CFAP92: variants seen among roughly 807,000 people sequenced by gnomAD.
CFAP92 encodes the protein uncharacterized protein CFAP92.
CFAP92 carries 86 observed loss-of-function variants against 106.3 expected under a neutral mutation model. The observed-to-expected ratio is 0.81, with a 90% CI of 0.68 to 0.97. The LOEUF (loss-of-function observed/expected upper bound fraction) is 0.97. Ranked by LOEUF, CFAP92 falls within the 50% of genes least tolerant of loss-of-function variation. The probability of loss-of-function intolerance (pLI) is 0.00; values close to 1 mark genes in which losing one functional copy is unlikely to be tolerated. For missense variants in CFAP92, 1,204 were observed against 1,283.8 expected (o/e 0.94, Z 0.95); for synonymous variants, 477 against 506.4 (o/e 0.94, Z 0.78).
Position 128,965,604 on chromosome 3 carries a change from G to A in CFAP92, c.1260C>T (p.Thr420=), listed in dbSNP as rs1576555312. The A allele has an allele frequency of 7.5e-6, 3 of 398,776 alleles. No individual in the cohort carries two copies. The highest frequency in any genetic ancestry group is 2.1e-5 in the African/African-American group (1 of 48,590). 24.7% of individuals were successfully genotyped at this position (398,776 alleles called of 1,614,324 possible). The change falls in exon 9 of 16, where the codon ACC becomes ACT. Residue 420 remains threonine (T), a synonymous_variant. Transcript: ENST00000645291. ...LTLKTEVPIM[T]EEQKQDLNPL... Reference sequence around the variant, plus strand: ...GATTTAAATCCTGCTTTTGCTCCTCGGTCATGATCGGAACTTCTGTTTTTA... The same window carrying A: ...GATTTAAATCCTGCTTTTGCTCCTCAGTCATGATCGGAACTTCTGTTTTTA...
At chr3:129,018,397 A>G in the CFAP92 span, among the ~76,000 whole-genome samples, 6 of 152,262 alleles carry the variant, frequency 3.9e-5, no homozygotes, top group African/African-American at 1.2e-4. Context: ...GGGATATTTC[A>G]TGACATATGA....
upstream of CFAP92, chr3:129,003,845 C>G (rs543402046): frequency 4.3e-4 from 627 of 1,456,832 alleles, 6 homozygotes; most frequent in South Asian, 7.7e-3. Flanking sequence ...GCACGGCGGG[C>G]CGGAGGCTGC....
chr3:128,944,299 A>T (rs1397795707), intron 10 of CFAP92, among the ~76,000 whole-genome samples: 1 of 151,842 alleles, frequency 6.6e-6, no homozygotes, highest in African/African-American at 2.4e-5. Flanking sequence ...TCTTGTGTGG[A>T]CATATGTTTT....
chr3:129,026,142 A>T, the CFAP92 span, among the ~76,000 whole-genome samples: 1 of 152,232 alleles, frequency 6.6e-6, no homozygotes, highest in Non-Finnish European at 1.5e-5. Flanking sequence ...CTTTCAGAAC[A>T]TTCTGAAGGG....
At chr3:128,990,898 A>AAAAT (rs1157556138) in intron 2 of CFAP92, among the ~76,000 whole-genome samples, 1 of 152,214 alleles carries the variant, frequency 6.6e-6, no homozygotes, top group Non-Finnish European at 1.5e-5. Context: ...CTCCGTCTCA[A>AAAAT]AAATAAATAA....
intron 12 of CFAP92, among the ~76,000 whole-genome samples, chr3:128,928,925 ACT>A (rs1408813373): frequency 6.6e-6 from 1 of 152,140 alleles, no homozygotes; most frequent in Non-Finnish European, 1.5e-5. Flanking sequence ...ATATATAACA[ACT>A]CAACAATAAA....
chr3:128,976,491 C>T (rs1943166393), intron 6 of CFAP92, among the ~76,000 whole-genome samples: 1 of 152,134 alleles, frequency 6.6e-6, no homozygotes, highest in Non-Finnish European at 1.5e-5. Context: ...CTTCTCATTC[C>T]ATTTCCCAAA....
chr3:128,938,682 C>G (rs1939316215), intron 10 of CFAP92, among the ~76,000 whole-genome samples: 1 of 151,424 alleles, frequency 6.6e-6, no homozygotes, highest in South Asian at 2.1e-4. Flanking sequence ...TTAGTAGAGA[C>G]AGGGTTTCAC....
Position 128,915,516 on chromosome 3 carries a change from C to A in CFAP92, c.2964G>T (p.Met988Ile). The A allele has an allele frequency of 6.5e-7, 1 of 1,535,550 alleles. No individual in the cohort carries two copies. Among genetic ancestry groups the A allele is most frequent in the East Asian group, 2.4e-5 (1 of 40,910 alleles). The change falls in exon 14 of 16, where the codon ATG becomes ATT. Residue 988 changes from methionine to isoleucine, a missense_variant. By Grantham distance (10) the Met-to-Ile change is conservative (BLOSUM62 1). Coordinates refer to ENST00000645291, the MANE Select transcript of CFAP92 (RefSeq NM_001394090.1). ...FTYSQDYLSA[M>I]VEPLDLKEEE... ...CTTCCTTCAAGTCCAGGGGCTCCAC[C>A]ATGGCTGAGAGGTAATCCTGTGAGT...
intron 12 of CFAP92, 65 bp downstream of exon 12, chr3:128,932,635 C>T: frequency 6.9e-7 from 1 of 1,451,784 alleles, no homozygotes; most frequent in Non-Finnish European, 9.1e-7. Flanking sequence ...CTATGCCTCT[C>T]AGCAGGCGCC....
At chr3:128,912,552 A>G in intron 15 of CFAP92, 1 of 1,614,180 alleles carries the variant, frequency 6.2e-7, no homozygotes, top group Non-Finnish European at 8.5e-7. Flanking sequence ...GTGTCCCAGC[A>G]GATCCTTGAG....
intron 15 of CFAP92, chr3:128,913,194 G>GTGA: frequency 2.6e-6 from 1 of 388,912 alleles, no homozygotes; most frequent in Non-Finnish European, 5.2e-6. Flanking sequence ...CCACCCTTTG[G>GTGA]TGATGGCCTC....
the CFAP92 span, among the ~76,000 whole-genome samples, chr3:129,023,454 G>A: frequency 2.0e-3 from 307 of 152,050 alleles, no homozygotes; most frequent in African/African-American, 7.1e-3. Context: ...TCAGCCTCCC[G>A]AGTAGCTGGG....
chr3:128,997,994 C>T (rs142398761), upstream of CFAP92, among the ~76,000 whole-genome samples: 2 of 152,220 alleles, frequency 1.3e-5, no homozygotes, highest in East Asian at 1.9e-4. Flanking sequence ...TACAGCTATT[C>T]TCATGAGTAT....
intron 7 of CFAP92, among the ~76,000 whole-genome samples, chr3:128,972,478 G>A (rs985248553): frequency 6.6e-6 from 1 of 151,964 alleles, no homozygotes; most frequent in Non-Finnish European, 1.5e-5. Context: ...CTGACCTCAG[G>A]TGATCCATCT....
At chr3:129,005,406 G>A (rs77764351), upstream of CFAP92, among the ~76,000 whole-genome samples, 9 of 152,274 alleles carry the variant, frequency 5.9e-5, no homozygotes, top group African/African-American at 2.2e-4. Context: ...GGAGGCCAGA[G>A]TGGCTGGAGG....
rs1349176348 is a variant in CFAP92 at position 128,945,711 on chromosome 3, G to A, written c.1618C>T (p.Gln540Ter). Residue 540 changes from glutamine (Q) to a stop codon, truncating the protein, a stop_gained, in exon 10 of 16, where the codon CAG becomes TAG. Transcript: ENST00000645291. LOFTEE classifies it high-confidence loss of function. The part of the protein sequence containing the change: ...EDPLDSYLNF[Q>*]ALISPRETEN... ...GTCTCTCTGGGAGAGATGAGGGCCT[G>A]GAAGTTGAGGTATGAATCCAGAGGG... 6.5e-7 allele frequency: 1 copy of A among 1,536,118 alleles called. No homozygotes were observed. The highest frequency in any genetic ancestry group is 8.7e-7 in the Non-Finnish European group (1 of 1,146,902).
chr3:129,017,076 C>T, the CFAP92 span, among the ~76,000 whole-genome samples: 1 of 152,266 alleles, frequency 6.6e-6, no homozygotes, highest in Non-Finnish European at 1.5e-5. Context: ...TGCAAGAGAG[C>T]TGCCATGGCC....
At position 128,909,941 on chromosome 3, in the gene CFAP92, C is replaced by T; in HGVS notation, c.*358G>A. 1 of 1,580,916 alleles carries T rather than the reference C, an allele frequency of 6.3e-7. No homozygotes were observed. The highest frequency in any genetic ancestry group is 8.6e-7 in the Non-Finnish European group (1 of 1,161,934). On this transcript the variant is annotated 3_prime_UTR_variant, in exon 16 of 16. Coordinates refer to ENST00000645291, the MANE Select transcript of CFAP92 (RefSeq NM_001394090.1). ...AAGGAACACAGGAGACTAAGACAGG[C>T]AAAGATGCAGCCCAGGGAGGGACCA...
Sources: gnomAD v4.1 joint callset for allele counts (sites outside exome capture counted in the v4.1 genomes callset) on GRCh38, gnomAD v4.1.1 for gene constraint, MANE v1.5 for transcripts, NCBI Gene and HGNC (gene_info 2026-07-23, HGNC 2026-07-21) for gene names.